The following STK36 variants were observed in gnomAD, a reference collection of about 807,000 sequenced individuals.
The protein encoded by STK36 is serine/threonine-protein kinase 36.
Under a neutral mutation model 142.2 loss-of-function variants are expected in STK36, and 116 were observed. The observed-to-expected ratio is 0.82, with a 90% CI of 0.70 to 0.95. STK36 has a LOEUF of 0.95. Among genes scored for constraint, STK36 ranks in the 40% least tolerant of loss-of-function variants. The pLI, the probability that STK36 is intolerant of heterozygous loss-of-function variation, is 0.00. For missense variants in STK36, 1,422 were observed against 1,617.2 expected (o/e 0.88, Z 2.07); for synonymous variants, 619 against 641.7 (o/e 0.96, Z 0.53).
chr2:218,672,197 A>T lies in STK36; in HGVS notation c.-108A>T, dbSNP rs1248516839. The T allele has an allele frequency of 3.5e-6, 2 of 571,608 alleles. No individual in the cohort carries two copies. The highest frequency in any genetic ancestry group is 6.2e-6 in the Non-Finnish European group (2 of 320,792). 35.4% of individuals were successfully genotyped at this position (571,608 alleles called of 1,614,324 possible). A position where few individuals can be genotyped will look rare whatever the true frequency, so the allele number is the denominator to read the frequency against. On this transcript the variant is annotated 5_prime_UTR_variant, in exon 1 of 27. Transcript: ENST00000295709. ...GCCTTTGTCCTCTGAACTTCTCACC[A>T]GTTCTAGCGAGTAAAATTGTAAGAA... is the stretch of plus-strand genomic sequence containing the variant.
chr2:218,694,675 A>G lies in STK36; in HGVS notation c.2511+40A>G, dbSNP rs1449747561. 3.9e-6 allele frequency: 6 copies of G among 1,546,186 alleles called. No individual in the cohort carries two copies. Among genetic ancestry groups the G allele is most frequent in the Middle Eastern group, 1.7e-4 (1 of 5,876 alleles). ...GGAGGGCACAGACATGTTTTCTCTG[A>G]GTCAGACACTAGGACTGCATTCAAG... On this transcript the variant is annotated intron_variant, in intron 21 of 26. Coordinates refer to ENST00000295709, the MANE Select transcript of STK36 (RefSeq NM_015690.5). The surrounding 1 kb of genome is among the most constrained non-coding windows in gnomAD (Gnocchi z 4.4).
chr2:218,684,114 T>C (rs1321948325), intron 10 of STK36, among the ~76,000 whole-genome samples: 2 of 147,226 alleles, frequency 1.4e-5, no homozygotes, highest in Non-Finnish European at 3.0e-5. Flanking sequence ...ATCTTTTTTT[T>C]TTTTTTTTTT....
chr2:218,674,270 T>C (rs561856190), intron 4 of STK36, among the ~76,000 whole-genome samples: 17 of 152,358 alleles, frequency 1.1e-4, no homozygotes, highest in African/African-American at 3.8e-4. Context: ...AAGTCTATGA[T>C]GAAGAGTGTT....
chr2:218,686,560 C>T lies in STK36; in HGVS notation c.1380+1332C>T, dbSNP rs999187004. 7.2e-5 allele frequency among the ~76,000 whole-genome samples: 11 copies of T among 152,280 alleles called. No homozygotes were observed. The East Asian group carries it at 1.9e-3, about 27-fold the overall frequency. ...CTAGGATTATAGGTATGAGCTACTGCCCCCAGCCCCCATTTACAGTTAATC... is the reference window on the plus strand; with the variant it reads ...CTAGGATTATAGGTATGAGCTACTGTCCCCAGCCCCCATTTACAGTTAATC... On this transcript the variant is annotated intron_variant, in intron 11 of 26. Transcript: ENST00000295709.
At chr2:218,688,643 C>T in intron 11 of STK36, 54 bp from the exon 12 acceptor site, 1 of 1,570,926 alleles carries the variant, frequency 6.4e-7, no homozygotes, top group Non-Finnish European at 8.6e-7. Flanking sequence ...TGTAGTTCTC[C>T]TTCTTTTACC....
intron 21 of STK36, among the ~76,000 whole-genome samples, chr2:218,695,221 CCTTTTTTTTTTTTTTTTTTTT>C (rs1225313813): frequency 7.1e-6 from 1 of 141,630 alleles, no homozygotes; most frequent in Admixed American, 7.2e-5. Context: ...TATTGTCATC[CCTTTTTTTTTTTTTTTTTTTT>C]TTTGAGATGG....
chr2:218,684,414 CTTTTTTT>C (rs779556469), intron 10 of STK36, among the ~76,000 whole-genome samples: 2 of 49,324 alleles, frequency 4.1e-5, no homozygotes, highest in Non-Finnish European at 6.7e-5. Context: ...TGCGCCTGGC[CTTTTTTT>C]TTTTTTTTTT....
chr2:218,692,766 C>G (rs145379207), intron 16 of STK36, 56 bp downstream of exon 16: 1 of 1,554,638 alleles, frequency 6.4e-7, no homozygotes, highest in Non-Finnish European at 8.7e-7. Context: ...ATTGAGGAGG[C>G]TAGCCCCAGT....
intron 7 of STK36, 135 bp from the exon 8 acceptor site, chr2:218,679,425 C>T: frequency 3.1e-6 from 4 of 1,305,222 alleles, no homozygotes; most frequent in Non-Finnish European, 4.2e-6. Context: ...CCCTTACAAC[C>T]CACTCTCTCT....
chr2:218,692,339 T>C, intron 15 of STK36, 46 bp downstream of exon 15: 2 of 1,610,474 alleles, frequency 1.2e-6, no homozygotes, highest in Admixed American at 1.7e-5. Flanking sequence ...ACTTGTTGCA[T>C]AGGTCAGGCT....
At position 218,673,488 on chromosome 2, in the gene STK36, G is replaced by A; in HGVS notation, c.85-137G>A. On this transcript the variant is annotated intron_variant, in intron 2 of 26. Transcript: ENST00000295709. ...CCAGGGTACCATGGAGAAAATGGAA[G>A]CGGGAGACTAACAGAAATAATAAGA... 2.4e-6 allele frequency: 3 copies of A among 1,228,716 alleles called. No homozygotes were observed. In the Admixed American group the frequency reaches 9.1e-5, roughly 37 times the overall value. 76.1% of individuals were successfully genotyped at this position (1,228,716 alleles called of 1,614,324 possible).
intron 2 of STK36, chr2:218,673,159 A>G (rs889449983): frequency 2.1e-6 from 1 of 468,838 alleles, no homozygotes; most frequent in Non-Finnish European, 3.9e-6. Context: ...CCTTATCTCT[A>G]GAATGGGGAT....
In STK36 at chr2:218,697,993, C is replaced by T. The variant is rs1475088547; in HGVS notation, c.3049C>T (p.Leu1017=). 1 of 1,614,076 alleles carries T rather than the reference C, an allele frequency of 6.2e-7. No individual in the cohort carries two copies. The highest frequency in any genetic ancestry group is 8.5e-7 in the Non-Finnish European group (1 of 1,180,050). ...CAGGGACTCAGAAGTTGCAGCCCAT[C>T]TGCTGCAGGTACTTGGGCAGCTAGC... is the stretch of plus-strand genomic sequence containing the variant. The part of the protein sequence containing the change: ...DLRDSEVAAH[L]LQVCCYHLPL... Residue 1017 remains leucine (L), a synonymous_variant, in exon 25 of 27, where the codon CTG becomes TTG. Transcript: ENST00000295709.
chr2:218,694,083 A>T lies in STK36; in HGVS notation c.2336+100A>T. On this transcript the variant is annotated intron_variant, in intron 19 of 26. Transcript: ENST00000295709. This position sits in a 1 kb window ranked among gnomAD's most constrained non-coding sequence, Gnocchi z 4.4. ...TGGTACCCTACAGCATATCCTTAGG[A>T]GGAATTGGGATAGAGAGCGTGAAGC... The T allele has an allele frequency of 7.6e-7, 1 of 1,311,012 alleles. No homozygotes were observed. Among genetic ancestry groups the T allele is most frequent in the Non-Finnish European group, 1.1e-6 (1 of 909,704 alleles). The allele number at this position is 1,311,012 out of a possible 1,614,324, so 81.2% of individuals were successfully genotyped here. A position where few individuals can be genotyped will look rare whatever the true frequency, so the allele number is the denominator to read the frequency against.
chr2:218,694,312 TGTC>T lies in STK36; in HGVS notation c.2389_2391del (p.Val797del), dbSNP rs1159212763. 6.2e-7 allele frequency: 1 copy of T among 1,614,162 alleles called. No homozygotes were observed. The highest frequency in any genetic ancestry group is 8.5e-7 in the Non-Finnish European group (1 of 1,179,960). The stretch of plus-strand genomic sequence containing the variant: ...TTGCTACTCTCTTTACCCATTCGCA[TGTC>T]GTCTCTCTTGTGGTAAGTTTTTAAC... On this transcript the variant is annotated inframe_deletion, in exon 20 of 27. Transcript: ENST00000295709. This position sits in a 1 kb window ranked among gnomAD's most constrained non-coding sequence, Gnocchi z 4.4.
At chr2:218,678,039 C>G (rs1940335567) in intron 6 of STK36, among the ~76,000 whole-genome samples, 1 of 152,224 alleles carries the variant, frequency 6.6e-6, no homozygotes, top group South Asian at 2.1e-4. Flanking sequence ...GATCTGCCCA[C>G]CTTGGCCTCC....
At chr2:218,697,405 G>A in intron 23 of STK36, 58 bp from the exon 24 acceptor site, 4 of 1,595,262 alleles carry the variant, frequency 2.5e-6, no homozygotes, top group Non-Finnish European at 3.4e-6. Context: ...CTGTGGGGAA[G>A]CAGGGGTATC....
chr2:218,676,968 T>C (rs1940281232), intron 6 of STK36, among the ~76,000 whole-genome samples: 1 of 148,100 alleles, frequency 6.8e-6, no homozygotes, highest in African/African-American at 2.5e-5. Flanking sequence ...AGTTTTGCTT[T>C]TGTTGTCCAG....
chr2:218,695,114 C>T (rs149512250), intron 21 of STK36, among the ~76,000 whole-genome samples: 1 of 152,054 alleles, frequency 6.6e-6, no homozygotes, highest in South Asian at 2.1e-4. Context: ...TTTCTGCTTT[C>T]TCCTTTCCCA....
Sources: allele counts gnomAD v4.1 joint callset (sites outside exome capture counted in the v4.1 genomes callset), GRCh38; gene constraint gnomAD v4.1.1; non-coding constraint Gnocchi (gnomAD v3.1); transcripts MANE v1.5; gene names NCBI Gene and HGNC (gene_info 2026-07-23, HGNC 2026-07-21).